Variants in NTSR1 observed in about 807,000 individuals in gnomAD.
NTSR1 encodes the protein neurotensin receptor type 1.
Under a neutral mutation model 31.2 loss-of-function variants are expected in NTSR1, and 29 were observed. That is an observed-to-expected ratio of 0.93 (90% confidence interval 0.69 to 1.27). NTSR1 has a LOEUF of 1.27. Ranked by LOEUF, NTSR1 falls within the 50% of genes most tolerant of loss-of-function variation. NTSR1 has a pLI of 0.00. For synonymous variants in NTSR1, 282 were observed against 269.9 expected (o/e 1.04, Z -0.44); for missense variants, 697 against 595.4 (o/e 1.17, Z -1.78).
rs1005737264 is a variant in NTSR1 at position 62,758,596 on chromosome 20, G to C, written c.1007+240G>C. On this transcript the variant is annotated intron_variant, in intron 3 of 3. Transcript: ENST00000370501. This position sits in a 1 kb window ranked among gnomAD's most constrained non-coding sequence, Gnocchi z 4.5. ...CAGAGAAAGAAAGTTGGTCCTAAGA[G>C]AGATGGCCCAGGCAGTTTCCCGAAG... Among the ~76,000 whole-genome samples, 13 of 152,144 alleles carry C rather than the reference G, an allele frequency of 8.5e-5. No individual in the cohort carries two copies. The highest frequency in any genetic ancestry group is 1.6e-4 in the Non-Finnish European group (11 of 68,010).
At chr20:62,759,292 G>C (rs1056620808) in intron 3 of NTSR1, among the ~76,000 whole-genome samples, 5 of 152,190 alleles carry the variant, frequency 3.3e-5, no homozygotes, top group Non-Finnish European at 2.9e-5. Flanking sequence ...ACTGTGGGGG[G>C]AGGCAACAAG....
At chr20:62,716,509 T>C (rs2427403) in intron 1 of NTSR1, among the ~76,000 whole-genome samples, 96,609 of 148,242 alleles carry the variant, frequency 0.65, 34,533 homozygotes, top group East Asian at 0.94. Flanking sequence ...TTTCAGCGCG[T>C]TAGTCCCGCC....
At position 62,743,590 on chromosome 20, in the gene NTSR1, A is replaced by C. The variant is rs993996531; in HGVS notation, c.715-11095A>C. 6.6e-6 allele frequency among the ~76,000 whole-genome samples: 1 copy of C among 152,080 alleles called. No homozygotes were observed. Among genetic ancestry groups the C allele is most frequent in the Admixed American group, 6.5e-5 (1 of 15,274 alleles). On this transcript the variant is annotated intron_variant, in intron 1 of 3. Coordinates refer to ENST00000370501, the MANE Select transcript of NTSR1 (RefSeq NM_002531.3). This position sits in a 1 kb window ranked among gnomAD's most constrained non-coding sequence, Gnocchi z 7.5. ...ACCCCCTTGGGAGGGTGTGGACAGG[A>C]GCCTCCCCTCCCACCCGCCCCGCAG... is the stretch of plus-strand genomic sequence containing the variant.
intron 1 of NTSR1, among the ~76,000 whole-genome samples, chr20:62,740,284 G>A (rs190030922): frequency 4.9e-4 from 75 of 152,326 alleles, no homozygotes; most frequent in African/African-American, 1.7e-3. Flanking sequence ...CATAGGGTGA[G>A]CGGCAGGCAG....
At chr20:62,728,774 G>A (rs752022907) in intron 1 of NTSR1, among the ~76,000 whole-genome samples, 7 of 152,212 alleles carry the variant, frequency 4.6e-5, no homozygotes, top group East Asian at 1.9e-4. Flanking sequence ...CCAGAGGCAC[G>A]TCCACCAGGT....
intron 3 of NTSR1, among the ~76,000 whole-genome samples, chr20:62,759,740 A>G (rs923423144): frequency 7.2e-6 from 1 of 138,986 alleles, no homozygotes; most frequent in East Asian, 2.2e-4. Context: ...GCGCCACTGT[A>G]CTCCAGCCTG....
chr20:62,747,327 ACT>A (rs1989317578), intron 1 of NTSR1, among the ~76,000 whole-genome samples: 1 of 135,564 alleles, frequency 7.4e-6, no homozygotes, highest in African/African-American at 2.8e-5. Context: ...CTAACACCAC[ACT>A]CAGTGTAAAG....
intron 1 of NTSR1, among the ~76,000 whole-genome samples, chr20:62,728,391 G>A (rs2427421): frequency 0.4 from 61,066 of 152,028 alleles, 12,567 homozygotes; most frequent in Middle Eastern, 0.46. Flanking sequence ...GGGTGGAGCT[G>A]GGTGGGTGCA....
chr20:62,745,264 T>G lies in NTSR1; in HGVS notation c.715-9421T>G. On this transcript the variant is annotated intron_variant, in intron 1 of 3. Transcript: ENST00000370501. This position sits in a 1 kb window ranked among gnomAD's most constrained non-coding sequence, Gnocchi z 4.1. Reference sequence around the variant, plus strand: ...AGGAAAGCAGAGACACAGAGAGACATGGAGAGAGACACAGAGACAGAGAAA... The same window carrying G: ...AGGAAAGCAGAGACACAGAGAGACAGGGAGAGAGACACAGAGACAGAGAAA... 6.9e-6 allele frequency among the ~76,000 whole-genome samples: 1 copy of G among 145,960 alleles called. No individual in the cohort carries two copies.
At chr20:62,728,044 C>T (rs912592655) in intron 1 of NTSR1, among the ~76,000 whole-genome samples, 1 of 152,238 alleles carries the variant, frequency 6.6e-6, no homozygotes, top group Non-Finnish European at 1.5e-5. Flanking sequence ...AGTCTAGGCC[C>T]GGCCCCATCA....
chr20:62,729,278 G>A lies in NTSR1; in HGVS notation c.714+19357G>A, dbSNP rs150818518. On this transcript the variant is annotated intron_variant, in intron 1 of 3. Coordinates refer to ENST00000370501, the MANE Select transcript of NTSR1 (RefSeq NM_002531.3). ...AGGGTGGGGAGAGAGTAGCTCCCTG[G>A]GAGCCCCAGGGTGGCCTGCTCAACA... is the stretch of plus-strand genomic sequence containing the variant. 8.0e-3 allele frequency among the ~76,000 whole-genome samples: 1,216 copies of A among 152,342 alleles called. 13 individuals carry two copies. Among genetic ancestry groups the A allele is most frequent in the African/African-American group, 0.027 (1,113 of 41,578 alleles).
At chr20:62,710,825 A>C (rs748735444) in intron 1 of NTSR1, among the ~76,000 whole-genome samples, 13 of 152,136 alleles carry the variant, frequency 8.5e-5, no homozygotes, top group Non-Finnish European at 1.9e-4. Flanking sequence ...GAACTTTGAA[A>C]GGCATCTTGG....
chr20:62,720,223 T>G (rs1600720602), intron 1 of NTSR1, among the ~76,000 whole-genome samples: 1 of 152,068 alleles, frequency 6.6e-6, no homozygotes, highest in African/African-American at 2.4e-5. Flanking sequence ...TCGCTTTAAC[T>G]CGGGAGGTGG....
At chr20:62,728,704 G>A (rs901331596) in intron 1 of NTSR1, among the ~76,000 whole-genome samples, 1 of 152,088 alleles carries the variant, frequency 6.6e-6, no homozygotes, top group Non-Finnish European at 1.5e-5. Context: ...ACTGAGTCGC[G>A]AAGGGCAGGC....
At chr20:62,750,149 T>TA (rs1989368450) in intron 1 of NTSR1, among the ~76,000 whole-genome samples, 1 of 152,150 alleles carries the variant, frequency 6.6e-6, no homozygotes, top group Non-Finnish European at 1.5e-5. Context: ...TCATTTGCGG[T>TA]AGCCGCAACA....
rs1216957538 is a variant in NTSR1, at chr20:62,762,388, C to T, written c.*2121C>T. The T allele has an allele frequency of 1.3e-5, 2 of 152,178 alleles. No homozygotes were observed. Among genetic ancestry groups the T allele is most frequent in the Non-Finnish European group, 2.9e-5 (2 of 68,046 alleles). 9.4% of individuals were successfully genotyped at this position (152,178 alleles called of 1,614,324 possible). On this transcript the variant is annotated 3_prime_UTR_variant, in exon 4 of 4. Coordinates refer to ENST00000370501, the MANE Select transcript of NTSR1 (RefSeq NM_002531.3). Reference sequence around the variant, plus strand: ...CTCTGAGAGAGGGCAGAGTGGATGCCCCACTGCCCTAGACCCTCGGTAGAC... The same window carrying T: ...CTCTGAGAGAGGGCAGAGTGGATGCTCCACTGCCCTAGACCCTCGGTAGAC...
intron 1 of NTSR1, among the ~76,000 whole-genome samples, chr20:62,746,715 G>A (rs561145375): frequency 9.9e-5 from 15 of 152,256 alleles, no homozygotes; most frequent in African/African-American, 2.9e-4. Context: ...AGAGTCAATC[G>A]CGAGAAATGG....
chr20:62,750,607 C>T (rs1274057293), intron 1 of NTSR1, among the ~76,000 whole-genome samples: 3 of 146,196 alleles, frequency 2.1e-5, no homozygotes, highest in East Asian at 2.2e-4. Flanking sequence ...AGGAGAATGG[C>T]GTGAACCCGG....
intron 1 of NTSR1, among the ~76,000 whole-genome samples, chr20:62,750,926 A>G (rs534200783): frequency 3.3e-5 from 5 of 152,290 alleles, no homozygotes; most frequent in South Asian, 2.1e-4. Context: ...CCCAGGCTGG[A>G]GTGCAGTGGC....
Sources: gnomAD v4.1 joint callset for allele counts (sites outside exome capture counted in the v4.1 genomes callset) on GRCh38, gnomAD v4.1.1 for gene constraint, Gnocchi (gnomAD v3.1) non-coding constraint, MANE v1.5 for transcripts, NCBI Gene and HGNC (gene_info 2026-07-23, HGNC 2026-07-21) for gene names.